Variants in AUTS2 observed in about 807,000 individuals in gnomAD.
AUTS2 encodes the protein activator of transcription and developmental regulator AUTS2.
AUTS2 carries 17 observed loss-of-function variants against 112.4 expected under a neutral mutation model. The ratio of observed to expected loss-of-function variants is 0.15; its 90% CI spans 0.10 to 0.23. The LOEUF (loss-of-function observed/expected upper bound fraction) is 0.23. Ranked by LOEUF, AUTS2 falls within the 10% of genes least tolerant of loss-of-function variation. AUTS2 has a pLI of 1.00. For missense variants in AUTS2, 1,510 were observed against 1,701.6 expected (o/e 0.89, Z 1.98); for synonymous variants, 751 against 702.7 (o/e 1.07, Z -1.09).
intron 2 of AUTS2, among the ~76,000 whole-genome samples, chr7:70,043,463 ATTT>A (rs1801334507): frequency 6.6e-6 from 1 of 151,654 alleles, no homozygotes; most frequent in African/African-American, 2.4e-5. Flanking sequence ...AAGCTCCTTC[ATTT>A]TCTGAATGCA....
intron 2 of AUTS2, among the ~76,000 whole-genome samples, chr7:69,992,293 A>C (rs908148965): frequency 4.6e-5 from 7 of 152,224 alleles, no homozygotes; most frequent in Non-Finnish European, 1.0e-4. Flanking sequence ...ATTAAACTCA[A>C]ATCTTCTGAA....
At chr7:70,785,482 TTG>T (rs146269802) in intron 16 of AUTS2, 6,930 of 468,518 alleles carry the variant, frequency 0.015, 86 homozygotes, top group South Asian at 0.021. Flanking sequence ...GGTGCATGCT[TTG>T]TGTGGCCTTT....
intron 4 of AUTS2, among the ~76,000 whole-genome samples, chr7:70,236,252 TTTAA>T (rs1290154715): frequency 6.6e-6 from 1 of 152,240 alleles, no homozygotes; most frequent in Non-Finnish European, 1.5e-5. Flanking sequence ...TAGCCATGAA[TTTAA>T]TTTATAGTTT....
intron 4 of AUTS2, among the ~76,000 whole-genome samples, chr7:70,334,606 T>C (rs1182979643): frequency 1.3e-5 from 2 of 152,190 alleles, no homozygotes; most frequent in African/African-American, 4.8e-5. Context: ...ATCCTTATGG[T>C]TTCTGAGCCC....
At chr7:70,419,763 C>A (rs1021397278) in intron 4 of AUTS2, among the ~76,000 whole-genome samples, 1 of 152,170 alleles carries the variant, frequency 6.6e-6, no homozygotes, top group African/African-American at 2.4e-5. Context: ...TCACGACAGC[C>A]TTGCCAACAC....
chr7:70,323,957 G>A (rs1277403721), intron 4 of AUTS2, among the ~76,000 whole-genome samples: 4 of 152,166 alleles, frequency 2.6e-5, no homozygotes, highest in Admixed American at 6.5e-5. Flanking sequence ...AATGCAAGGA[G>A]GAAATGTTCT....
At chr7:70,195,962 A>G (rs1810150848) in intron 4 of AUTS2, among the ~76,000 whole-genome samples, 1 of 152,188 alleles carries the variant, frequency 6.6e-6, no homozygotes, top group Non-Finnish European at 1.5e-5. Context: ...TATCTGGAGA[A>G]AAGAAGCTCC....
rs765117240 is a variant in AUTS2, at chr7:69,887,635, C to T, written c.310-11651C>T. On this transcript the variant is annotated intron_variant, in intron 1 of 18. Coordinates refer to ENST00000342771, the MANE Select transcript of AUTS2 (RefSeq NM_015570.4). ...ACCTGGGGAAGAGAAGAAAGCGAAA[C>T]ATTTTTAGGAAAGAAAAGGAAAGTA... Among the ~76,000 whole-genome samples, 6 of 152,164 alleles carry T rather than the reference C, an allele frequency of 3.9e-5. 1 individual carries two copies. Among genetic ancestry groups the T allele is most frequent in the Admixed American group, 3.3e-4 (5 of 15,286 alleles).
At chr7:69,993,380 C>T (rs1798816920) in intron 2 of AUTS2, among the ~76,000 whole-genome samples, 3 of 152,096 alleles carry the variant, frequency 2.0e-5, no homozygotes, top group Admixed American at 2.0e-4. Context: ...GTTAATTCTT[C>T]AAAAGAGACT....
At chr7:69,893,636 T>C (rs1471093695) in intron 1 of AUTS2, among the ~76,000 whole-genome samples, 1 of 152,216 alleles carries the variant, frequency 6.6e-6, no homozygotes, top group Non-Finnish European at 1.5e-5. Context: ...TTTGGGTGCA[T>C]GCAGACACAT....
chr7:70,252,192 C>T (rs149845274), intron 4 of AUTS2, among the ~76,000 whole-genome samples: 153 of 152,186 alleles, frequency 1.0e-3, no homozygotes, highest in Non-Finnish European at 1.7e-3. Flanking sequence ...TTTTAATTTT[C>T]TGAGGAACTT....
At chr7:69,883,283 T>C (rs905278310) in intron 1 of AUTS2, among the ~76,000 whole-genome samples, 1 of 139,584 alleles carries the variant, frequency 7.2e-6, no homozygotes, top group East Asian at 2.0e-4. Context: ...ATAGAGTTCC[T>C]TTTTTTTTTT....
intron 1 of AUTS2, among the ~76,000 whole-genome samples, chr7:69,686,376 T>G (rs1009177307): frequency 6.6e-6 from 1 of 152,080 alleles, no homozygotes; most frequent in South Asian, 2.1e-4. Context: ...TAGGAATAAA[T>G]CCTAATATGA....
chr7:69,896,929 T>C (rs1315130826), intron 1 of AUTS2, among the ~76,000 whole-genome samples: 1 of 152,214 alleles, frequency 6.6e-6, no homozygotes, highest in Non-Finnish European at 1.5e-5. Flanking sequence ...CCCTTAGTTT[T>C]AGCACCCATA....
chr7:69,700,350 A>G (rs974734828), intron 1 of AUTS2, among the ~76,000 whole-genome samples: 10 of 151,782 alleles, frequency 6.6e-5, no homozygotes, highest in Non-Finnish European at 7.4e-5. Flanking sequence ...AAAATAAGCT[A>G]TTTTGGAATA....
chr7:69,608,323 G>A (rs1327676913), intron 1 of AUTS2, among the ~76,000 whole-genome samples: 3 of 152,160 alleles, frequency 2.0e-5, no homozygotes, highest in Non-Finnish European at 4.4e-5. Context: ...TGACGCCTGA[G>A]GGATCTCATT....
At chr7:69,676,968 T>G (rs1278803900) in intron 1 of AUTS2, among the ~76,000 whole-genome samples, 1 of 152,306 alleles carries the variant, frequency 6.6e-6, no homozygotes. Context: ...TCATTCATTT[T>G]AACAGTGGAC....
At chr7:70,550,891 A>G (rs1172596638) in intron 5 of AUTS2, among the ~76,000 whole-genome samples, 1 of 152,180 alleles carries the variant, frequency 6.6e-6, no homozygotes, top group Non-Finnish European at 1.5e-5. Context: ...ACCATTCTCC[A>G]ATAAAAAGAA....
At chr7:70,179,507 C>T (rs1028416179) in intron 4 of AUTS2, among the ~76,000 whole-genome samples, 1 of 152,216 alleles carries the variant, frequency 6.6e-6, no homozygotes, top group Non-Finnish European at 1.5e-5. Flanking sequence ...AAAGCCATGT[C>T]TGACTTCTGT....
Sources: allele counts gnomAD v4.1 joint callset (sites outside exome capture counted in the v4.1 genomes callset), GRCh38; gene constraint gnomAD v4.1.1; transcripts MANE v1.5; gene names NCBI Gene and HGNC (gene_info 2026-07-23, HGNC 2026-07-21).